Variants in EGFL6 observed in about 807,000 individuals in gnomAD.
EGFL6 encodes the protein EGF like domain multiple 6.
In EGFL6, 42 loss-of-function variants were observed where a neutral mutation model predicts 43.1. The ratio of observed to expected loss-of-function variants is 0.98; its 90% CI spans 0.76 to 1.26. EGFL6 has a LOEUF of 1.26. Among genes scored for constraint, EGFL6 ranks in the 50% most tolerant of loss-of-function variants. EGFL6 has a pLI of 0.00. For synonymous variants in EGFL6, 164 were observed against 163.2 expected (o/e 1.01, Z -0.04); for missense variants, 429 against 427.8 (o/e 1.00, Z -0.02).
intron 8 of EGFL6, 70 bp from the exon 9 acceptor site, chrX:13,619,093 T>G: frequency 1.2e-6 from 1 of 838,960 alleles, no homozygotes; most frequent in Admixed American, 2.3e-5. Flanking sequence ...TGTTTGGTCA[T>G]TTGATTGATA....
Position 13,605,828 on chromosome X carries a change from C to T in EGFL6, c.521-551C>T, listed in dbSNP as rs140002458. Among the ~76,000 whole-genome samples the T allele has an allele frequency of 1.9e-3, 216 of 112,233 alleles. 2 individuals are homozygous for T. The East Asian group carries it at 0.041, about 21-fold the overall frequency. ...CATCATTACATAATTACACCTGACC[C>T]ACAATTTATGCATAAGTGCATGCCT... On this transcript the variant is annotated intron_variant, in intron 5 of 11. Transcript: ENST00000361306.
intron 2 of EGFL6, among the ~76,000 whole-genome samples, chrX:13,594,430 G>T (rs2146968550): frequency 9.0e-6 from 1 of 111,532 alleles, no homozygotes; most frequent in South Asian, 3.8e-4. Flanking sequence ...CAATCTGTTG[G>T]TTGTTCAGTC....
At chrX:13,570,150 T>C (rs1198783290) in intron 1 of EGFL6, among the ~76,000 whole-genome samples, 1 of 111,568 alleles carries the variant, frequency 9.0e-6, no homozygotes, top group African/African-American at 3.3e-5. Context: ...CCTAGTTAGC[T>C]CCTTTTGCAT....
At chrX:13,587,273 A>G (rs2045538652) in intron 1 of EGFL6, among the ~76,000 whole-genome samples, 1 of 112,545 alleles carries the variant, frequency 8.9e-6, no homozygotes, top group African/African-American at 3.2e-5. Context: ...AAAAATTATT[A>G]AGGACATCAC....
intron 10 of EGFL6, among the ~76,000 whole-genome samples, chrX:13,625,707 TAAAA>T (rs1191914414): frequency 9.6e-6 from 1 of 104,425 alleles, no homozygotes; most frequent in Non-Finnish European, 2.0e-5. Flanking sequence ...AAATAAAAAA[TAAAA>T]CACAAAAAAA....
intron 8 of EGFL6, among the ~76,000 whole-genome samples, chrX:13,618,845 G>T (rs1196071227): frequency 9.2e-6 from 1 of 108,956 alleles, no homozygotes; most frequent in Non-Finnish European, 1.9e-5. Context: ...CTAGCATCCG[G>T]TGACATTCTC....
At chrX:13,576,037 C>T (rs2045469272) in intron 1 of EGFL6, among the ~76,000 whole-genome samples, 1 of 112,090 alleles carries the variant, frequency 8.9e-6, no homozygotes, top group South Asian at 3.7e-4. Context: ...TGAGCTTCAG[C>T]AAACATGTCC....
At chrX:13,598,412 T>A (rs2045612072) in intron 3 of EGFL6, among the ~76,000 whole-genome samples, 1 of 111,825 alleles carries the variant, frequency 8.9e-6, no homozygotes. Context: ...TTTTTTCCTC[T>A]CTGTATGTTC....
intron 7 of EGFL6, among the ~76,000 whole-genome samples, chrX:13,610,215 G>A (rs1430330455): frequency 1.8e-5 from 2 of 112,252 alleles, no homozygotes; most frequent in Non-Finnish European, 3.8e-5. Context: ...AATATAGTAT[G>A]GAAAAGCATA....
chrX:13,577,439 GTATATATATACATAT>G (rs1402044507), intron 1 of EGFL6, among the ~76,000 whole-genome samples: 2 of 103,097 alleles, frequency 1.9e-5, no homozygotes, highest in African/African-American at 7.0e-5. Context: ...TATATAGGGT[GTATATATATACATAT>G]TATATATATA....
At chrX:13,606,192 A>AGG (rs1244438038) in intron 5 of EGFL6, among the ~76,000 whole-genome samples, 187 bp from the exon 6 acceptor site, 2 of 111,939 alleles carry the variant, frequency 1.8e-5, no homozygotes, top group African/African-American at 6.5e-5. Context: ...AATAATATAA[A>AGG]TACATAAAGT....
chrX:13,572,007 T>C (rs1234682881), intron 1 of EGFL6, among the ~76,000 whole-genome samples: 1 of 112,539 alleles, frequency 8.9e-6, no homozygotes, highest in Non-Finnish European at 1.9e-5. Flanking sequence ...GCACTATGAT[T>C]TTATAACCTA....
intron 7 of EGFL6, among the ~76,000 whole-genome samples, chrX:13,609,806 G>A (rs1367178343): frequency 1.8e-5 from 2 of 111,440 alleles, no homozygotes; most frequent in African/African-American, 6.5e-5. Context: ...TATCCCTCTG[G>A]TCATGACCCT....
chrX:13,628,868 G>T (rs2045796402), intron 11 of EGFL6, among the ~76,000 whole-genome samples: 1 of 112,502 alleles, frequency 8.9e-6, no homozygotes, highest in Admixed American at 9.4e-5. Context: ...AGGAAAAAGG[G>T]TGAAAGCTAG....
At chrX:13,613,881 G>C (rs1390537036) in intron 7 of EGFL6, among the ~76,000 whole-genome samples, 4 of 111,759 alleles carry the variant, frequency 3.6e-5, no homozygotes, top group Admixed American at 2.8e-4. Context: ...TATGGGTTTT[G>C]CTACAACCAG....
intron 7 of EGFL6, among the ~76,000 whole-genome samples, chrX:13,614,464 C>T (rs921257416): frequency 8.9e-6 from 1 of 112,269 alleles, no homozygotes; most frequent in Non-Finnish European, 1.9e-5. Flanking sequence ...TCATCTAATG[C>T]ACTAAGCACA....
At chrX:13,580,963 A>G (rs1354243809) in intron 1 of EGFL6, among the ~76,000 whole-genome samples, 1 of 111,792 alleles carries the variant, frequency 8.9e-6, no homozygotes, top group Non-Finnish European at 1.9e-5. Context: ...CACTTGCTTT[A>G]TTGACTGCCT....
At chrX:13,618,164 T>C in intron 8 of EGFL6, 111 bp downstream of exon 8, 1 of 750,826 alleles carries the variant, frequency 1.3e-6, no homozygotes, top group Non-Finnish European at 1.9e-6. Flanking sequence ...ATGGGTTGGG[T>C]CTTAAGTCCT....
intron 1 of EGFL6, among the ~76,000 whole-genome samples, chrX:13,571,182 G>T (rs371378444): frequency 4.4e-4 from 46 of 103,752 alleles, no homozygotes; most frequent in South Asian, 2.3e-3. Flanking sequence ...GTCCCTGGAG[G>T]GCACAATTGC....
Sources: gnomAD v4.1 joint callset for allele counts (sites outside exome capture counted in the v4.1 genomes callset) on GRCh38, gnomAD v4.1.1 for gene constraint, MANE v1.5 for transcripts, NCBI Gene and HGNC (gene_info 2026-07-23, HGNC 2026-07-21) for gene names.